ZMIZ1: variants seen among roughly 807,000 people sequenced by gnomAD.
The protein encoded by ZMIZ1 is zinc finger MIZ-type containing 1.
A neutral mutation model predicts 113.9 loss-of-function variants in ZMIZ1; 17 were observed. That is an observed-to-expected ratio of 0.15 (90% CI 0.10 to 0.22). The LOEUF (loss-of-function observed/expected upper bound fraction) is 0.22, where lower values mean the gene tolerates loss of function less well. Ranked by LOEUF, ZMIZ1 falls within the 10% of genes least tolerant of loss-of-function variation. The pLI is 1.00. For synonymous variants in ZMIZ1, 607 were observed against 603.1 expected (o/e 1.01, Z -0.09); for missense variants, 1,059 against 1,477.8 (o/e 0.72, Z 4.65).
At chr10:79,191,467 A>G (rs1427171603) in intron 4 of ZMIZ1, among the ~76,000 whole-genome samples, 1 of 152,016 alleles carries the variant, frequency 6.6e-6, no homozygotes, top group Non-Finnish European at 1.5e-5. Flanking sequence ...TCCCCACTTC[A>G]TGGCATCTGA....
In ZMIZ1 at chr10:79,275,987, T is replaced by C. The variant is rs530633421; in HGVS notation, c.281-1194T>C. Among the ~76,000 whole-genome samples, 74 of 152,304 alleles carry C rather than the reference T, an allele frequency of 4.9e-4. 1 individual carries two copies. The highest frequency in any genetic ancestry group is 1.7e-3 in the African/African-American group (70 of 41,560). On this transcript the variant is annotated intron_variant, in intron 7 of 24. Transcript: ENST00000334512. ...ACCCAGCCAAGTGGCTGAGCAGTTA[T>C]GATTCAAAATATGCCTGGCCACTCT...
intron 3 of ZMIZ1, among the ~76,000 whole-genome samples, chr10:79,159,970 G>T (rs779108683): frequency 2.0e-5 from 3 of 152,226 alleles, no homozygotes; most frequent in African/African-American, 4.8e-5. Flanking sequence ...GGGCCTGGCC[G>T]ATGCTCACTG....
At chr10:79,242,072 G>C (rs560661506) in intron 7 of ZMIZ1, among the ~76,000 whole-genome samples, 22 of 152,278 alleles carry the variant, frequency 1.4e-4, no homozygotes, top group Non-Finnish European at 2.1e-4. Flanking sequence ...TTCTCCCGAG[G>C]GGGTAATGAT....
At chr10:79,300,673 C>T (rs1041220694) in intron 16 of ZMIZ1, 59 bp from the exon 17 acceptor site, 31 of 1,530,632 alleles carry the variant, frequency 2.0e-5, no homozygotes, top group East Asian at 7.3e-5. Flanking sequence ...CTCGGGGTCA[C>T]GGAGGCCATG....
At chr10:79,225,173 T>G (rs1589446620) in intron 7 of ZMIZ1, among the ~76,000 whole-genome samples, 1 of 152,216 alleles carries the variant, frequency 6.6e-6, no homozygotes, top group South Asian at 2.1e-4. Context: ...CCACAGTGCC[T>G]GCAACAAGAT....
intron 5 of ZMIZ1, among the ~76,000 whole-genome samples, chr10:79,205,301 TGCCCTG>T (rs1255891404): frequency 1.3e-5 from 2 of 152,184 alleles, no homozygotes; most frequent in Non-Finnish European, 2.9e-5. Flanking sequence ...ACCCCTGCCC[TGCCCTG>T]GCCCCTCCCT....
chr10:79,151,274 G>C (rs1406807615), intron 3 of ZMIZ1, among the ~76,000 whole-genome samples: 3 of 152,228 alleles, frequency 2.0e-5, no homozygotes, highest in Non-Finnish European at 4.4e-5. Context: ...ACCTTTCAGA[G>C]CCAGTGTCTT....
chr10:79,300,646 A>T, intron 16 of ZMIZ1, 86 bp from the exon 17 acceptor site: 1 of 1,482,812 alleles, frequency 6.7e-7, no homozygotes, highest in Non-Finnish European at 9.1e-7. Flanking sequence ...TGGTGTGTTT[A>T]GAGGTGTGTG....
intron 1 of ZMIZ1, among the ~76,000 whole-genome samples, chr10:79,082,659 T>C (rs704009): frequency 0.84 from 127,287 of 152,288 alleles, 53,758 homozygotes; most frequent in African/African-American, 0.96. Context: ...CCCCCTACTT[T>C]CACCCTTTGC....
intron 11 of ZMIZ1, chr10:79,292,760 C>T: frequency 4.3e-6 from 2 of 468,284 alleles, no homozygotes; most frequent in Non-Finnish European, 8.5e-6. Flanking sequence ...TCCTAGTCAC[C>T]CTATCTGTGG....
At chr10:79,297,977 C>T (rs1854020217) in intron 14 of ZMIZ1, among the ~76,000 whole-genome samples, 1 of 152,162 alleles carries the variant, frequency 6.6e-6, no homozygotes, top group South Asian at 2.1e-4. Flanking sequence ...CCCGACTCCA[C>T]CTGGGGACCC....
intron 7 of ZMIZ1, among the ~76,000 whole-genome samples, chr10:79,242,429 C>G (rs1338823668): frequency 1.3e-5 from 2 of 152,122 alleles, no homozygotes; most frequent in Non-Finnish European, 2.9e-5. Flanking sequence ...CCCGGGGGTG[C>G]CAGGGCACCC....
intron 8 of ZMIZ1, among the ~76,000 whole-genome samples, chr10:79,277,741 T>C (rs1006851551): frequency 1.3e-5 from 2 of 152,154 alleles, no homozygotes; most frequent in African/African-American, 4.8e-5. Flanking sequence ...CAAGTAAGAC[T>C]GGGCTGGGTC....
chr10:79,070,149 G>GT (rs1012136170), intron 1 of ZMIZ1, among the ~76,000 whole-genome samples: 4 of 151,652 alleles, frequency 2.6e-5, no homozygotes, highest in African/African-American at 9.7e-5. Flanking sequence ...CCGGGGTCGG[G>GT]GGGGGGAGGC....
chr10:79,308,837 G>A (rs1307197118), intron 23 of ZMIZ1, among the ~76,000 whole-genome samples: 1 of 152,014 alleles, frequency 6.6e-6, no homozygotes, highest in Non-Finnish European at 1.5e-5. Context: ...TCCTAACACT[G>A]GAATATGGAG....
chr10:79,080,958 C>A (rs1842637787), intron 1 of ZMIZ1, among the ~76,000 whole-genome samples: 1 of 152,052 alleles, frequency 6.6e-6, no homozygotes, highest in Admixed American at 6.5e-5. Flanking sequence ...TTCCCAAGAC[C>A]ATTAGGGACC....
At chr10:79,265,625 G>A (rs1851556916) in intron 7 of ZMIZ1, among the ~76,000 whole-genome samples, 1 of 151,930 alleles carries the variant, frequency 6.6e-6, no homozygotes, top group Non-Finnish European at 1.5e-5. Flanking sequence ...CAGTCTGCCG[G>A]AGACTGAGAT....
chr10:79,248,326 G>A (rs1322713690), intron 7 of ZMIZ1, among the ~76,000 whole-genome samples: 1 of 152,154 alleles, frequency 6.6e-6, no homozygotes, highest in East Asian at 1.9e-4. Flanking sequence ...GAAACCAGGA[G>A]AGGTATGGCG....
At chr10:79,265,500 A>G (rs1167540194) in intron 7 of ZMIZ1, among the ~76,000 whole-genome samples, 13 of 118,738 alleles carry the variant, frequency 1.1e-4, no homozygotes, top group Admixed American at 2.8e-4. Flanking sequence ...TTTCTTACCC[A>G]CAAGTGATGG....
Sources: gnomAD v4.1 joint callset for allele counts (sites outside exome capture counted in the v4.1 genomes callset) on GRCh38, gnomAD v4.1.1 for gene constraint, MANE v1.5 for transcripts, NCBI Gene and HGNC (gene_info 2026-07-23, HGNC 2026-07-21) for gene names.